TUSC3: variants seen among roughly 807,000 people sequenced by gnomAD.
The protein encoded by TUSC3 is dolichyl-diphosphooligosaccharide--protein glycosyltransferase subunit TUSC3.
In TUSC3, 45 loss-of-function variants were observed where a neutral mutation model predicts 44.8. The ratio of observed to expected loss-of-function variants is 1.00; its 90% CI spans 0.79 to 1.29. The LOEUF (loss-of-function observed/expected upper bound fraction) is 1.29. TUSC3 is among the 50% of genes most tolerant of loss of function. The probability of loss-of-function intolerance (pLI) is 0.00; values close to 1 mark genes in which losing one functional copy is unlikely to be tolerated. For missense variants in TUSC3, 519 were observed against 437.9 expected, an observed-to-expected ratio of 1.19 and a Z score of -1.65; for synonymous variants, 212 against 152.9, an observed-to-expected ratio of 1.39 and a Z score of -2.85.
At position 15,659,512 on chromosome 8, in the gene TUSC3, C is replaced by T. The variant is rs764216617; in HGVS notation, c.432C>T (p.Asn144=). 1.2e-6 allele frequency: 2 copies of T among 1,612,398 alleles called. No individual in the cohort carries two copies. The highest frequency in any genetic ancestry group is 1.7e-6 in the Non-Finnish European group (2 of 1,179,514). ...DEGTDVFQQL[N]MNSAPTFMHF... is the part of the protein sequence containing the mutation. ...TTTTTTCTCATGTTTTACAGCTCAA[C>T]ATGAACTCTGCTCCTACATTCATGC... The change falls in exon 4 of 11, where the codon AAC becomes AAT. Residue 144 remains asparagine (N), a synonymous_variant. Transcript: ENST00000503731.
At chr8:15,585,040 C>G (rs774950984) in intron 1 of TUSC3, among the ~76,000 whole-genome samples, 9 of 152,006 alleles carry the variant, frequency 5.9e-5, no homozygotes, top group Non-Finnish European at 1.2e-4. Context: ...TAGAAATACT[C>G]TAAAATAAGA....
chr8:15,816,983 A>G, the TUSC3 span, among the ~76,000 whole-genome samples: 4 of 152,224 alleles, frequency 2.6e-5, no homozygotes, highest in East Asian at 1.9e-4. Flanking sequence ...AGGATAAAAT[A>G]TAAGATGTGA....
At chr8:15,573,225 TATATA>T (rs1205544516) in intron 1 of TUSC3, among the ~76,000 whole-genome samples, 91 of 130,524 alleles carry the variant, frequency 7.0e-4, no homozygotes, top group African/African-American at 2.6e-3. Context: ...TATATATATA[TATATA>T]AAAGTTTTTT....
intron 2 of TUSC3, among the ~76,000 whole-genome samples, chr8:15,521,879 C>T (rs1247866561): frequency 6.6e-6 from 1 of 152,196 alleles, no homozygotes; most frequent in African/African-American, 2.4e-5. Flanking sequence ...GGTTGAGTGA[C>T]TAGCTATTAG....
intron 1 of TUSC3, among the ~76,000 whole-genome samples, chr8:15,597,049 CTTG>C (rs1042166990): frequency 3.9e-5 from 6 of 152,034 alleles, no homozygotes; most frequent in Non-Finnish European, 8.8e-5. Context: ...AGAAGTCAGA[CTTG>C]TTGTCTGAGA....
chr8:15,821,222 G>A, the TUSC3 span, among the ~76,000 whole-genome samples: 4 of 152,030 alleles, frequency 2.6e-5, no homozygotes, highest in Non-Finnish European at 4.4e-5. Context: ...CTGTTTTCTG[G>A]CCTTCATGAT....
intron 10 of TUSC3, 79 bp downstream of exon 10, chr8:15,757,934 C>T: frequency 1.3e-6 from 2 of 1,486,952 alleles, no homozygotes; most frequent in East Asian, 2.3e-5. Flanking sequence ...TCTCATAAGA[C>T]AAGTTGTAGT....
intron 1 of TUSC3, among the ~76,000 whole-genome samples, chr8:15,587,409 T>C (rs1180485608): frequency 6.6e-6 from 1 of 152,220 alleles, no homozygotes; most frequent in Non-Finnish European, 1.5e-5. Context: ...CACTGTCTTT[T>C]CACTCCATTC....
At chr8:15,648,497 C>T (rs919411988) in intron 2 of TUSC3, among the ~76,000 whole-genome samples, 9 of 143,796 alleles carry the variant, frequency 6.3e-5, no homozygotes, top group African/African-American at 1.8e-4. Context: ...GAGGCTGAGG[C>T]GGGCGGATCA....
chr8:15,457,917 ATAAT>A (rs1014730062), intron 1 of TUSC3, among the ~76,000 whole-genome samples: 4 of 150,338 alleles, frequency 2.7e-5, no homozygotes, highest in African/African-American at 4.9e-5. Flanking sequence ...TAATTGAATA[ATAAT>A]TAGTACTCCA....
intron 1 of TUSC3, among the ~76,000 whole-genome samples, chr8:15,612,596 C>T (rs1392642179): frequency 2.0e-5 from 3 of 151,982 alleles, no homozygotes; most frequent in Non-Finnish European, 2.9e-5. Flanking sequence ...GTTAAGCCTT[C>T]ATAAAATGTT....
intron 1 of TUSC3, among the ~76,000 whole-genome samples, chr8:15,609,092 A>G (rs1032211941): frequency 3.3e-5 from 5 of 152,198 alleles, no homozygotes; most frequent in African/African-American, 1.2e-4. Flanking sequence ...TTGACGATGT[A>G]AGCGTTACAT....
intron 1 of TUSC3, among the ~76,000 whole-genome samples, chr8:15,554,486 G>A (rs1043360791): frequency 6.6e-6 from 1 of 151,396 alleles, no homozygotes; most frequent in African/African-American, 2.4e-5. Flanking sequence ...TCACAATGAA[G>A]AAATGTACTT....
At chr8:15,569,260 G>C (rs1273541613) in intron 1 of TUSC3, among the ~76,000 whole-genome samples, 2 of 152,064 alleles carry the variant, frequency 1.3e-5, no homozygotes, top group Admixed American at 6.6e-5. Context: ...TTCTTCCATT[G>C]CACTGTTCTG....
chr8:15,433,583 C>T (rs966971649), intron 1 of TUSC3, among the ~76,000 whole-genome samples: 1 of 151,716 alleles, frequency 6.6e-6, no homozygotes, highest in Non-Finnish European at 1.5e-5. Flanking sequence ...CACACACATA[C>T]ACACACCACC....
At chr8:15,651,582 G>C (rs988427437) in intron 3 of TUSC3, among the ~76,000 whole-genome samples, 4 of 152,198 alleles carry the variant, frequency 2.6e-5, no homozygotes, top group African/African-American at 9.7e-5. Flanking sequence ...TGCATGTGCA[G>C]AGAGAAAAGG....
intron 4 of TUSC3, among the ~76,000 whole-genome samples, chr8:15,661,515 G>A (rs149670594): frequency 1.3e-5 from 2 of 152,010 alleles, no homozygotes; most frequent in East Asian, 3.9e-4. Context: ...CATAGGTCCT[G>A]TTTTGTTTTA....
At chr8:15,736,375 A>G (rs958413603) in intron 7 of TUSC3, among the ~76,000 whole-genome samples, 2 of 152,202 alleles carry the variant, frequency 1.3e-5, no homozygotes. Flanking sequence ...AGTTTTTGAA[A>G]CCATAATTGG....
At chr8:15,478,382 T>C (rs1800611013) in intron 1 of TUSC3, among the ~76,000 whole-genome samples, 2 of 152,170 alleles carry the variant, frequency 1.3e-5, no homozygotes, top group African/African-American at 4.8e-5. Flanking sequence ...ATCATCTAGC[T>C]ACTAAGGCTC....
Sources: allele counts gnomAD v4.1 joint callset (sites outside exome capture counted in the v4.1 genomes callset), GRCh38; gene constraint gnomAD v4.1.1; transcripts MANE v1.5; gene names NCBI Gene and HGNC (gene_info 2026-07-23, HGNC 2026-07-21).